The following IL10RB variants were observed in gnomAD, a reference collection of about 807,000 sequenced individuals.
IL10RB encodes interleukin-10 receptor subunit beta.
A neutral mutation model predicts 38.7 loss-of-function variants in IL10RB; 30 were observed. The observed-to-expected ratio is 0.78, with a 90% confidence interval of 0.58 to 1.05. The LOEUF (loss-of-function observed/expected upper bound fraction) is 1.05, where lower values mean the gene tolerates loss of function less well. Among genes scored for constraint, IL10RB ranks in the 50% least tolerant of loss-of-function variants. The probability of loss-of-function intolerance (pLI) is 0.00; values close to 1 mark genes in which losing one functional copy is unlikely to be tolerated. For missense variants in IL10RB, 328 were observed against 397.1 expected (o/e 0.83, Z 1.48); for synonymous variants, 142 against 145.9 (o/e 0.97, Z 0.19).
downstream of IL10RB, among the ~76,000 whole-genome samples, chr21:33,301,939 T>A (rs1476805808): frequency 6.6e-6 from 1 of 152,110 alleles, no homozygotes; most frequent in African/African-American, 2.4e-5. Flanking sequence ...CCTTGAGTAA[T>A]CCCTTCCTCT....
Position 33,276,723 on chromosome 21 carries a change from G to A in IL10RB, c.301G>A (p.Val101Ile). ...ATTTGCAGATGAGCATTCAGACTGG[G>A]TAAACATCACCTTCTGTCCTGTGGA... Reference protein sequence around the residue: ...AEFADEHSDWVNITFCPVDDT... With the variant: ...AEFADEHSDWINITFCPVDDT... Residue 101 changes from valine (V) to isoleucine (I), a missense_variant, in exon 3 of 7, where the codon GTA (valine) becomes ATA (isoleucine). Val to Ile is a conservative substitution (Grantham distance 29, BLOSUM62 3). Transcript: ENST00000290200. 1 of 1,614,074 alleles carries A rather than the reference G, an allele frequency of 6.2e-7. No individual in the cohort carries two copies. The highest frequency in any genetic ancestry group is 8.5e-7 in the Non-Finnish European group (1 of 1,179,948).
chr21:33,277,824 T>C (rs536799669), intron 3 of IL10RB, among the ~76,000 whole-genome samples: 292 of 151,266 alleles, frequency 1.9e-3, no homozygotes, highest in Non-Finnish European at 2.7e-3. Flanking sequence ...TGCCTGTCAC[T>C]ATGCCCAGCT....
Position 33,296,241 on chromosome 21 carries a change from G to A in IL10RB, c.862G>A (p.Glu288Lys), listed in dbSNP as rs2082965441. 6 of 1,614,130 alleles carry A rather than the reference G, an allele frequency of 3.7e-6. No individual in the cohort carries two copies. Among genetic ancestry groups the A allele is most frequent in the Middle Eastern group, 3.3e-4 (2 of 6,062 alleles). ...LLFFSFPLSDENDVFDKLSVI... is the reference protein window; with the variant it reads ...LLFFSFPLSDKNDVFDKLSVI... ...GTTTTTCTCCTTTCCATTGTCGGATGAGAATGATGTTTTTGACAAGCTAAG... is the reference window on the plus strand; with the variant it reads ...GTTTTTCTCCTTTCCATTGTCGGATAAGAATGATGTTTTTGACAAGCTAAG... Residue 288 changes from glutamate (E) to lysine (K), a missense_variant, in exon 7 of 7, where the codon GAG (glutamate) becomes AAG (lysine). Transcript: ENST00000290200.
chr21:33,270,673 CTT>C (rs796928133), intron 2 of IL10RB, among the ~76,000 whole-genome samples: 4 of 138,614 alleles, frequency 2.9e-5, no homozygotes, highest in African/African-American at 5.3e-5. Flanking sequence ...CGCGCCCAGC[CTT>C]TTTTTTTTTT....
chr21:33,300,769 G>A (rs142206480), downstream of IL10RB, among the ~76,000 whole-genome samples: 1,435 of 152,272 alleles, frequency 9.4e-3, 5 homozygotes, highest in Non-Finnish European at 0.015. Flanking sequence ...ATGAGGACAG[G>A]CCCTCACCAG....
chr21:33,283,381 C>T, intron 5 of IL10RB, 140 bp downstream of exon 5: 3 of 872,256 alleles, frequency 3.4e-6, no homozygotes, highest in Non-Finnish European at 5.6e-6. Flanking sequence ...CCTGACTGCT[C>T]AGCTTCATGC....
chr21:33,292,000 A>G (rs1989497846), intron 6 of IL10RB, among the ~76,000 whole-genome samples: 1 of 152,082 alleles, frequency 6.6e-6, no homozygotes, highest in Admixed American at 6.5e-5. Flanking sequence ...GCTGACATCC[A>G]CTGGCTGTGT....
rs1989412956 is a variant in IL10RB at position 33,288,216 on chromosome 21, G to A, written c.759G>A (p.Lys253=). 2.5e-6 allele frequency: 4 copies of A among 1,613,910 alleles called. No homozygotes were observed. In the Admixed American group the frequency reaches 6.7e-5, roughly 27 times the overall value. The change falls in exon 6 of 7, where the codon AAG becomes AAA. Residue 253 remains lysine, a synonymous_variant. Transcript: ENST00000290200. ...TGTGGTGCGTTTACAAGAAGACAAA[G>A]TACGCCTTCTCCCCTAGGAATTCTC... is the stretch of plus-strand genomic sequence containing the variant. The part of the protein sequence containing the change: ...ALLWCVYKKT[K]YAFSPRNSLP...
At chr21:33,268,022 G>A (rs1017319008) in intron 1 of IL10RB, 1 of 356,232 alleles carries the variant, frequency 2.8e-6, no homozygotes, top group Non-Finnish European at 5.4e-6. Flanking sequence ...AGCTGCTTAA[G>A]CCCAAAATGG....
intron 6 of IL10RB, among the ~76,000 whole-genome samples, chr21:33,293,096 G>A (rs1260418364): frequency 4.6e-5 from 7 of 152,208 alleles, no homozygotes; most frequent in Non-Finnish European, 1.0e-4. Context: ...GTCCTGGCAT[G>A]CCCCACTGCA....
chr21:33,301,907 C>G (rs769932578), downstream of IL10RB, among the ~76,000 whole-genome samples: 21 of 152,208 alleles, frequency 1.4e-4, no homozygotes, highest in Non-Finnish European at 2.9e-4. Context: ...CACCCATGAT[C>G]CCCACCTCCT....
chr21:33,272,884 T>G (rs1195220252), intron 2 of IL10RB, among the ~76,000 whole-genome samples: 1 of 152,240 alleles, frequency 6.6e-6, no homozygotes, highest in African/African-American at 2.4e-5. Context: ...AAATGTCATC[T>G]CTTTTCTTCC....
chr21:33,290,935 G>A (rs1989474784), intron 6 of IL10RB, among the ~76,000 whole-genome samples: 2 of 152,208 alleles, frequency 1.3e-5, no homozygotes, highest in East Asian at 1.9e-4. Flanking sequence ...GAGGCCAGAC[G>A]TCCAAAATCA....
chr21:33,284,302 A>C (rs1989334437), intron 5 of IL10RB, among the ~76,000 whole-genome samples: 1 of 149,362 alleles, frequency 6.7e-6, no homozygotes, highest in Non-Finnish European at 1.5e-5. Context: ...GCCTCAAAAA[A>C]AAAAAAAAAA....
chr21:33,285,932 A>G (rs1989366138), intron 5 of IL10RB, among the ~76,000 whole-genome samples: 1 of 152,166 alleles, frequency 6.6e-6, no homozygotes, highest in South Asian at 2.1e-4. Flanking sequence ...TGAGCTGAAC[A>G]TGCTGGAAGT....
chr21:33,294,856 G>T (rs1410598988), intron 6 of IL10RB, among the ~76,000 whole-genome samples: 3 of 152,208 alleles, frequency 2.0e-5, no homozygotes, highest in African/African-American at 7.2e-5. Flanking sequence ...AACCAGCAGA[G>T]ATTTCAGGAA....
chr21:33,267,498 G>T (rs1163540612), intron 1 of IL10RB, among the ~76,000 whole-genome samples: 42 of 126,116 alleles, frequency 3.3e-4, no homozygotes, highest in African/African-American at 8.3e-4. Flanking sequence ...TTTTTTGTTT[G>T]TTTGTTTTTT....
rs8178548 is a variant in IL10RB, at chr21:33,292,337, C to T, written c.805-3847C>T. On this transcript the variant is annotated intron_variant, in intron 6 of 6. Transcript: ENST00000290200. Reference sequence around the variant, plus strand: ...CTGAAGTGCAGCAGCGGGCCACTTTCGGTGTGTGCCCACATACCATGCTAA... The same window carrying T: ...CTGAAGTGCAGCAGCGGGCCACTTTTGGTGTGTGCCCACATACCATGCTAA... Among the ~76,000 whole-genome samples the T allele has an allele frequency of 8.5e-3, 1,289 of 152,334 alleles. 21 individuals are homozygous for T. The highest frequency in any genetic ancestry group is 0.029 in the African/African-American group (1,205 of 41,568).
chr21:33,269,477 A>G (rs1444795606), intron 2 of IL10RB, among the ~76,000 whole-genome samples: 2 of 152,130 alleles, frequency 1.3e-5, no homozygotes, highest in African/African-American at 4.8e-5. Context: ...AAAAATCCCC[A>G]AGGCCTGCTA....
Sources: allele counts gnomAD v4.1 joint callset (sites outside exome capture counted in the v4.1 genomes callset), GRCh38; gene constraint gnomAD v4.1.1; transcripts MANE v1.5; gene names NCBI Gene and HGNC (gene_info 2026-07-23, HGNC 2026-07-21).